Variants in DDX11 observed in about 807,000 individuals in gnomAD.
DDX11 encodes the protein DEAD/H-box helicase 11, also known as ATP-dependent DNA helicase DDX11.
In DDX11, 72 loss-of-function variants were observed where a neutral mutation model predicts 125.2. That is an observed-to-expected ratio of 0.58 (90% CI 0.48 to 0.70). DDX11 has a LOEUF of 0.70. Ranked by LOEUF, DDX11 falls within the 30% of genes least tolerant of loss-of-function variation. DDX11 has a pLI of 0.00. For missense variants in DDX11, 883 were observed against 1,165.0 expected, an observed-to-expected ratio of 0.76 and a Z score of 3.52; for synonymous variants, 347 against 452.6, an observed-to-expected ratio of 0.77 and a Z score of 2.96.
chr12:31,092,114 C>T (rs1364991555), intron 10 of DDX11, among the ~76,000 whole-genome samples: 1 of 152,248 alleles, frequency 6.6e-6, no homozygotes, highest in Non-Finnish European at 1.5e-5. Flanking sequence ...GTCCCTCCAG[C>T]CCTGGATGCC....
intron 1 of DDX11, among the ~76,000 whole-genome samples, chr12:31,077,673 C>A (rs1351364741): frequency 6.6e-6 from 1 of 151,956 alleles, no homozygotes; most frequent in Non-Finnish European, 1.5e-5. Flanking sequence ...CGGTGAAACC[C>A]CGTCTCTACC....
chr12:31,096,507 AGT>A, intron 15 of DDX11, 128 bp downstream of exon 15: 1 of 1,594,994 alleles, frequency 6.3e-7, no homozygotes, highest in Non-Finnish European at 8.6e-7. Flanking sequence ...TCCTTGGTGC[AGT>A]GGGCCTTGCT....
At chr12:31,089,708 TG>T in intron 8 of DDX11, 177 bp from the exon 9 acceptor site, 1 of 1,304,680 alleles carries the variant, frequency 7.7e-7, no homozygotes, top group Non-Finnish European at 1.1e-6. Context: ...GGGCTCTTTC[TG>T]GAGAACAGAA....
Position 31,101,207 on chromosome 12 carries a change from C to G in DDX11, c.2052+77C>G, listed in dbSNP as rs1946317823. On this transcript the variant is annotated intron_variant, in intron 20 of 26. Coordinates refer to ENST00000542838, the MANE Select transcript of DDX11 (RefSeq NM_030653.4). ...GTTTTCTGGGGCAGGGGCGCTCTGG[C>G]CCACCCTGAGTGTTTTCAGTGTTGG... 9 of 1,274,852 alleles carry G rather than the reference C, an allele frequency of 7.1e-6. No individual in the cohort carries two copies. In the South Asian group the frequency reaches 1.1e-4, roughly 15 times the overall value. 79.0% of individuals were successfully genotyped at this position (1,274,852 alleles called of 1,614,324 possible).
intron 1 of DDX11, among the ~76,000 whole-genome samples, chr12:31,075,764 G>C (rs1940613465): frequency 6.6e-6 from 1 of 152,228 alleles, no homozygotes; most frequent in African/African-American, 2.4e-5. Context: ...CCTGGAGCCA[G>C]AGAAGAGCAA....
chr12:31,080,002 G>A (rs1210263215), intron 2 of DDX11, among the ~76,000 whole-genome samples: 1 of 140,982 alleles, frequency 7.1e-6, no homozygotes, highest in Admixed American at 7.3e-5. Context: ...ACAGACGGCC[G>A]CACCCACACC....
intron 18 of DDX11, among the ~76,000 whole-genome samples, chr12:31,099,394 A>G (rs1945984049): frequency 6.7e-6 from 1 of 149,220 alleles, no homozygotes; most frequent in Non-Finnish European, 1.5e-5. Context: ...TGGTGTTTCT[A>G]AGTAAAAATC....
rs748939479 is a variant in DDX11, at chr12:31,084,575, T to G, written c.394-8T>G. On this transcript the variant is annotated splice_polypyrimidine_tract_variant and splice_region_variant and intron_variant, in intron 3 of 26. Coordinates refer to ENST00000542838, the MANE Select transcript of DDX11 (RefSeq NM_030653.4). ...TTGGTGATTTTCCTTCATGTCTGCC[T>G]CCTGTAGGCGGAGCAGGCCAGGAGG... 6.3e-7 allele frequency: 1 copy of G among 1,591,438 alleles called. No individual in the cohort carries two copies. The highest frequency in any genetic ancestry group is 1.7e-5 in the Admixed American group (1 of 57,546).
intron 18 of DDX11, among the ~76,000 whole-genome samples, chr12:31,099,087 T>TC (rs1410462713): frequency 1.8e-4 from 12 of 67,510 alleles, no homozygotes; most frequent in East Asian, 6.5e-4. Flanking sequence ...TTTCTTTCTT[T>TC]TTTTTTTTTT....
chr12:31,094,513 G>T (rs1944871106), intron 12 of DDX11, 77 bp from the exon 13 acceptor site: 8 of 1,501,284 alleles, frequency 5.3e-6, no homozygotes, highest in Non-Finnish European at 7.2e-6. Context: ...GATGTGCAGT[G>T]TGGAGGGAGA....
chr12:31,086,363 A>G (rs950651278), intron 5 of DDX11, among the ~76,000 whole-genome samples: 1 of 152,170 alleles, frequency 6.6e-6, no homozygotes, highest in Non-Finnish European at 1.5e-5. Flanking sequence ...GAGCTGACCC[A>G]GTGTTTGGCA....
intron 20 of DDX11, 55 bp from the exon 21 acceptor site, chr12:31,101,778 G>A: frequency 1.2e-6 from 2 of 1,611,594 alleles, no homozygotes; most frequent in East Asian, 4.5e-5. Context: ...CGGTTTGTGG[G>A]TGGCTGAGGG....
chr12:31,103,020 C>T lies in DDX11; in HGVS notation c.2457C>T (p.Leu819=), dbSNP rs780859108. 10 of 1,613,388 alleles carry T rather than the reference C, an allele frequency of 6.2e-6. No individual in the cohort carries two copies. Among genetic ancestry groups the T allele is most frequent in the African/African-American group, 2.7e-5 (2 of 74,906 alleles). ...AGATGGCCTACTTGGATCAAACCCT[C>T]GTGAGTGACCCCAGTGTCACAGAGG... ...QEKMAYLDQT[L]PRAPGQAPPG... The change falls in exon 24 of 27, where the codon CTC becomes CTT. Residue 819 remains leucine (L), a splice_region_variant and synonymous_variant. Coordinates refer to ENST00000542838, the MANE Select transcript of DDX11 (RefSeq NM_030653.4).
rs1261264529 is a variant in DDX11, at chr12:31,104,206, G to A, written c.*370G>A. The A allele has an allele frequency of 1.9e-5, 19 of 1,018,042 alleles. No individual in the cohort carries two copies. The highest frequency in any genetic ancestry group is 2.5e-5 in the Non-Finnish European group (18 of 719,982). 63.1% of individuals were successfully genotyped at this position (1,018,042 alleles called of 1,614,324 possible). A position where few individuals can be genotyped will look rare whatever the true frequency, so the allele number is the denominator to read the frequency against. ...CTCCGTCCTGCCCACCTTCTTAAGA[G>A]GCGAGATGGAGCAGGCCCATCTGCC... On this transcript the variant is annotated 3_prime_UTR_variant, in exon 27 of 27. Coordinates refer to ENST00000542838, the MANE Select transcript of DDX11 (RefSeq NM_030653.4).
intron 2 of DDX11, among the ~76,000 whole-genome samples, chr12:31,083,060 T>A (rs1303120792): frequency 1.3e-5 from 2 of 152,132 alleles, no homozygotes; most frequent in African/African-American, 4.8e-5. Context: ...TCTGAGATGC[T>A]GGGGGTTAGG....
chr12:31,098,023 G>A lies in DDX11; in HGVS notation c.1875+26G>A, dbSNP rs371132351. ...GTAAGGACACCTTTCCCAGCCCCTC[G>A]TGCCCCAGGTGTTGGGATGAGATGG... On this transcript the variant is annotated intron_variant, in intron 18 of 26. Coordinates refer to ENST00000542838, the MANE Select transcript of DDX11 (RefSeq NM_030653.4). 64 of 1,590,926 alleles carry A rather than the reference G, an allele frequency of 4.0e-5. No homozygotes were observed. In the African/African-American group the frequency reaches 6.1e-4, roughly 15 times the overall value.
At chr12:31,085,553 C>G (rs1038091323) in intron 5 of DDX11, among the ~76,000 whole-genome samples, 1 of 152,222 alleles carries the variant, frequency 6.6e-6, no homozygotes, top group Non-Finnish European at 1.5e-5. Flanking sequence ...CGTCCTTAGC[C>G]TGAGCTTTCC....
intron 6 of DDX11, 98 bp downstream of exon 6, chr12:31,088,081 TC>T (rs1015844834): frequency 1.8e-5 from 28 of 1,540,388 alleles, no homozygotes; most frequent in Middle Eastern, 1.7e-4. Context: ...CTTCTCACCC[TC>T]CTCTCCACAA....
At chr12:31,085,698 C>G (rs1009063094) in intron 5 of DDX11, among the ~76,000 whole-genome samples, 1 of 152,260 alleles carries the variant, frequency 6.6e-6, no homozygotes, top group African/African-American at 2.4e-5. Flanking sequence ...AGCCCTGTTC[C>G]CATTCACACT....
Sources: gnomAD v4.1 joint callset for allele counts (sites outside exome capture counted in the v4.1 genomes callset) on GRCh38, gnomAD v4.1.1 for gene constraint, MANE v1.5 for transcripts, NCBI Gene and HGNC (gene_info 2026-07-23, HGNC 2026-07-21) for gene names.